TENM2: variants seen among roughly 807,000 people sequenced by gnomAD.
TENM2 encodes teneurin transmembrane protein 2, also known as teneurin-2.
Under a neutral mutation model 245.2 loss-of-function variants are expected in TENM2, and 52 were observed. The ratio of observed to expected loss-of-function variants is 0.21; its 90% CI spans 0.17 to 0.27. The LOEUF is 0.27. Among genes scored for constraint, TENM2 ranks in the 10% least tolerant of loss-of-function variants. TENM2 has a pLI of 1.00. For missense variants in TENM2, 3,046 were observed against 3,666.8 expected, an observed-to-expected ratio of 0.83 and a Z score of 4.37; for synonymous variants, 1,363 against 1,438.9, an observed-to-expected ratio of 0.95 and a Z score of 1.19.
chr5:167,375,469 G>A (rs1221724827), exon 2 of TENM2: 2 of 1,551,622 alleles, frequency 1.3e-6, no homozygotes, highest in Non-Finnish European at 8.7e-7. Flanking sequence ...CAGATGATGA[G>A]AACGGTAGGC....
intron 2 of TENM2, among the ~76,000 whole-genome samples, chr5:167,726,538 A>G (rs76800646): frequency 0.014 from 2,120 of 152,254 alleles, 42 homozygotes; most frequent in African/African-American, 0.049. Context: ...TGCTCACTGT[A>G]GACTTGGCCT....
rs1762627681 is a variant in TENM2, at chr5:167,406,165, ACT to A, written c.502+30695_502+30696del. Among the ~76,000 whole-genome samples the A allele has an allele frequency of 3.3e-5, 5 of 151,934 alleles. No individual in the cohort carries two copies. The South Asian group carries it at 1.0e-3, about 32-fold the overall frequency. ...TAAATGAGATGGCAAAAACGAATAG[ACT>A]CTTGTTTAATTAAAGGTACTTGTAA... On this transcript the variant is annotated intron_variant, in intron 2 of 28. Coordinates refer to ENST00000518659, the Ensembl canonical transcript of TENM2.
At chr5:167,069,240 C>A in the TENM2 span, among the ~76,000 whole-genome samples, 1 of 151,998 alleles carries the variant, frequency 6.6e-6, no homozygotes, top group African/African-American at 2.4e-5. Context: ...AAGTTTTATT[C>A]CTATTGTCTG....
the TENM2 span, among the ~76,000 whole-genome samples, chr5:167,236,830 A>G: frequency 6.6e-6 from 1 of 151,746 alleles, no homozygotes; most frequent in Admixed American, 6.6e-5. Context: ...TTTCCATACC[A>G]CTGGCTGGCT....
At chr5:167,072,953 A>T in the TENM2 span, among the ~76,000 whole-genome samples, 1 of 152,346 alleles carries the variant, frequency 6.6e-6, no homozygotes, top group East Asian at 1.9e-4. Context: ...TATAAACTGC[A>T]TCATCGTTGA....
At chr5:168,178,866 C>T (rs1044977999) in intron 13 of TENM2, among the ~76,000 whole-genome samples, 3 of 151,982 alleles carry the variant, frequency 2.0e-5, no homozygotes, top group Non-Finnish European at 2.9e-5. Context: ...AATTCCAGCA[C>T]TGTAATTCCA....
chr5:167,798,308 G>A (rs934273080), intron 2 of TENM2, among the ~76,000 whole-genome samples: 3 of 152,128 alleles, frequency 2.0e-5, no homozygotes, highest in African/African-American at 7.2e-5. Flanking sequence ...TTCTAAGTGG[G>A]TCACTGCTTT....
chr5:168,262,802 A>C, exon 29 of TENM2: 1 of 1,598,024 alleles, frequency 6.3e-7, no homozygotes, highest in Non-Finnish European at 8.5e-7. Flanking sequence ...TGAGATGGGA[A>C]AGAGGTAACA....
chr5:168,176,260 A>C (rs962471459), intron 13 of TENM2, among the ~76,000 whole-genome samples: 2 of 152,182 alleles, frequency 1.3e-5, no homozygotes, highest in African/African-American at 4.8e-5. Flanking sequence ...CTCCCGTAGC[A>C]TGGCACCCAG....
At chr5:167,232,616 C>T in the TENM2 span, among the ~76,000 whole-genome samples, 2 of 152,168 alleles carry the variant, frequency 1.3e-5, no homozygotes, top group Non-Finnish European at 2.9e-5. Context: ...TGTGATCTGC[C>T]TGCCTCAGCC....
intron 3 of TENM2, chr5:167,937,718 G>A (rs946770165): frequency 5.3e-5 from 8 of 152,070 alleles, no homozygotes; most frequent in African/African-American, 1.7e-4. Flanking sequence ...TTCTCCTTCG[G>A]GTCAGACCGC....
the TENM2 span, among the ~76,000 whole-genome samples, chr5:167,062,228 T>A: frequency 6.6e-6 from 1 of 152,198 alleles, no homozygotes; most frequent in Non-Finnish European, 1.5e-5. Flanking sequence ...TTGTTGCTCT[T>A]TATCTTCTTT....
chr5:167,220,052 A>G, the TENM2 span, among the ~76,000 whole-genome samples: 32,445 of 152,164 alleles, frequency 0.21, 4,138 homozygotes, highest in African/African-American at 0.36. Flanking sequence ...GAAGAGAACC[A>G]CACCTCTAAA....
chr5:167,665,670 G>T (rs1424421005), intron 2 of TENM2, among the ~76,000 whole-genome samples: 3 of 152,010 alleles, frequency 2.0e-5, no homozygotes, highest in African/African-American at 7.2e-5. Context: ...TCTGATATTT[G>T]GTCGCTGGGT....
At chr5:167,062,182 ATTCC>A in the TENM2 span, among the ~76,000 whole-genome samples, 12 of 152,186 alleles carry the variant, frequency 7.9e-5, no homozygotes, top group African/African-American at 2.9e-4. Context: ...CAAAACAGAA[ATTCC>A]TCAAGTGTTT....
intron 2 of TENM2, among the ~76,000 whole-genome samples, chr5:167,441,480 C>T (rs546030121): frequency 5.9e-5 from 9 of 152,272 alleles, no homozygotes; most frequent in African/African-American, 1.9e-4. Flanking sequence ...ACTTTATCAG[C>T]GTGTGCTTCA....
intron 4 of TENM2, among the ~76,000 whole-genome samples, chr5:167,957,056 CCT>C (rs1180957593): frequency 6.6e-6 from 1 of 151,750 alleles, no homozygotes; most frequent in Non-Finnish European, 1.5e-5. Flanking sequence ...GGTACCAGCT[CCT>C]TTTTGTACCT....
chr5:167,227,791 TA>T, the TENM2 span, among the ~76,000 whole-genome samples: 3 of 152,330 alleles, frequency 2.0e-5, no homozygotes. Flanking sequence ...TCTGGATGTC[TA>T]AATGTCTTGC....
the TENM2 span, among the ~76,000 whole-genome samples, chr5:167,039,652 G>C: frequency 6.6e-6 from 1 of 151,676 alleles, no homozygotes; most frequent in Non-Finnish European, 1.5e-5. Flanking sequence ...CTTTGATTGG[G>C]TGCTACCAAA....
Sources: allele counts gnomAD v4.1 joint callset (sites outside exome capture counted in the v4.1 genomes callset), GRCh38; gene constraint gnomAD v4.1.1; transcripts MANE v1.5; gene names NCBI Gene and HGNC (gene_info 2026-07-23, HGNC 2026-07-21).